Variants in SORCS2 observed in about 807,000 individuals in gnomAD.
The protein encoded by SORCS2 is VPS10 domain-containing receptor SorCS2.
SORCS2 carries 100 observed loss-of-function variants against 141.6 expected under a neutral mutation model. That is an observed-to-expected ratio of 0.71 (90% CI 0.60 to 0.83). The LOEUF is 0.83. SORCS2 is among the 40% of genes least tolerant of loss of function. The pLI, the probability that SORCS2 is intolerant of heterozygous loss-of-function variation, is 0.00. For missense variants in SORCS2, 1,646 were observed against 1,560.2 expected (o/e 1.05, Z -0.93); for synonymous variants, 789 against 676.9 (o/e 1.17, Z -2.57).
At chr4:7,391,890 C>G (rs1046473029) in intron 1 of SORCS2, among the ~76,000 whole-genome samples, 1 of 152,148 alleles carries the variant, frequency 6.6e-6, no homozygotes, top group Non-Finnish European at 1.5e-5. Flanking sequence ...TGAATAAAAT[C>G]GGGGTGCCCT....
At chr4:7,250,874 A>G (rs1483341717) in intron 1 of SORCS2, among the ~76,000 whole-genome samples, 1 of 152,244 alleles carries the variant, frequency 6.6e-6, no homozygotes, top group Non-Finnish European at 1.5e-5. Context: ...GCCTTTTAAT[A>G]TGGACTCGTT....
intron 3 of SORCS2, among the ~76,000 whole-genome samples, chr4:7,567,125 T>C (rs1166689993): frequency 6.6e-6 from 1 of 152,240 alleles, no homozygotes; most frequent in Admixed American, 6.5e-5. Flanking sequence ...CTGTTTTAGG[T>C]TTACAGAAAA....
chr4:7,581,325 C>A (rs988749945), intron 3 of SORCS2, among the ~76,000 whole-genome samples: 2 of 151,670 alleles, frequency 1.3e-5, no homozygotes, highest in Admixed American at 1.3e-4. Context: ...TTTACATTGG[C>A]AAAAAAATAC....
intron 2 of SORCS2, among the ~76,000 whole-genome samples, chr4:7,518,861 G>T (rs1270165477): frequency 6.6e-6 from 1 of 152,100 alleles, no homozygotes; most frequent in Non-Finnish European, 1.5e-5. Flanking sequence ...GAAGTCGCGG[G>T]CTGTGTCCGG....
intron 1 of SORCS2, among the ~76,000 whole-genome samples, chr4:7,251,964 C>T (rs1228604025): frequency 2.0e-5 from 3 of 152,130 alleles, no homozygotes; most frequent in Non-Finnish European, 4.4e-5. Flanking sequence ...ATGATGACAG[C>T]GGCCAGTACT....
intron 3 of SORCS2, among the ~76,000 whole-genome samples, chr4:7,589,539 A>T (rs1301058874): frequency 6.6e-6 from 1 of 152,094 alleles, no homozygotes; most frequent in Non-Finnish European, 1.5e-5. Context: ...AGTAGCTGGG[A>T]CTATAGGCGC....
At chr4:7,704,935 C>A (rs1343874213) in intron 14 of SORCS2, among the ~76,000 whole-genome samples, 2 of 152,180 alleles carry the variant, frequency 1.3e-5, no homozygotes, top group African/African-American at 4.8e-5. Flanking sequence ...GCTCCTGCGA[C>A]CCCGCGCTGT....
At chr4:7,658,907 C>T (rs1721968954) in intron 5 of SORCS2, among the ~76,000 whole-genome samples, 1 of 152,230 alleles carries the variant, frequency 6.6e-6, no homozygotes. Flanking sequence ...TGCAAGCAGG[C>T]TATGTGGGTG....
chr4:7,392,266 G>C lies in SORCS2; in HGVS notation c.481-4022G>C, dbSNP rs1189287556. Among the ~76,000 whole-genome samples the C allele has an allele frequency of 3.9e-5, 6 of 152,336 alleles. No individual in the cohort carries two copies. In the East Asian group the frequency reaches 1.2e-3, roughly 29 times the overall value. On this transcript the variant is annotated intron_variant, in intron 1 of 26. Coordinates refer to ENST00000507866, the MANE Select transcript of SORCS2 (RefSeq NM_020777.3). ...GGGTTAGGATGGGCATTGCTGTGAA[G>C]GAGCCCTGGGCCTCCAGGACAGGGC...
chr4:7,595,564 G>A (rs1304156272), intron 3 of SORCS2, among the ~76,000 whole-genome samples: 1 of 129,408 alleles, frequency 7.7e-6, no homozygotes, highest in African/African-American at 3.0e-5. Flanking sequence ...ATTACCATAC[G>A]AAAGACGTTC....
At chr4:7,490,061 C>A (rs1731225001) in intron 2 of SORCS2, among the ~76,000 whole-genome samples, 3 of 152,306 alleles carry the variant, frequency 2.0e-5, no homozygotes. Context: ...GGCACAAGAT[C>A]ACAGGCCTGG....
rs576927813 is a variant in SORCS2 at position 7,225,696 on chromosome 4, G to A, written c.480+32570G>A. On this transcript the variant is annotated intron_variant, in intron 1 of 26. Transcript: ENST00000507866. The stretch of plus-strand genomic sequence containing the variant: ...GGGGGCTGCATGGATGTCTCTATCC[G>A]CACCCTGTGAGCTGGCCCACCAGGC... Among the ~76,000 whole-genome samples the A allele has an allele frequency of 1.8e-3, 279 of 152,240 alleles. 2 individuals are homozygous for A. Among genetic ancestry groups the A allele is most frequent in the Non-Finnish European group, 2.4e-3 (164 of 68,010 alleles).
intron 19 of SORCS2, among the ~76,000 whole-genome samples, chr4:7,724,129 G>GGTGGTGGTGATGGTGGTGATA (rs1560112888): frequency 1.3e-4 from 18 of 140,682 alleles, no homozygotes; most frequent in African/African-American, 3.7e-4. Context: ...TGGTGGTGGT[G>GGTGGTGGTGATGGTGGTGATA]GTGGTGGTGG....
intron 1 of SORCS2, among the ~76,000 whole-genome samples, chr4:7,376,898 C>T (rs572524463): frequency 2.1e-4 from 32 of 152,158 alleles, no homozygotes; most frequent in Non-Finnish European, 4.4e-4. Context: ...TCCTGACCCC[C>T]ACCCCCACCC....
intron 2 of SORCS2, among the ~76,000 whole-genome samples, chr4:7,460,957 AT>A (rs977969292): frequency 3.4e-5 from 5 of 146,138 alleles, no homozygotes; most frequent in African/African-American, 1.3e-4. Context: ...CGAGGATTTC[AT>A]TTCTCCCCCC....
rs549236029 is a variant in SORCS2 at position 7,288,491 on chromosome 4, C to T, written c.480+95365C>T. 4.9e-5 allele frequency among the ~76,000 whole-genome samples: 7 copies of T among 141,750 alleles called. No individual in the cohort carries two copies. The East Asian group carries it at 1.0e-3, about 21-fold the overall frequency. 93.0% of individuals were successfully genotyped at this position (141,750 alleles called of 152,430 possible). A position where few individuals can be genotyped will look rare whatever the true frequency, so the allele number is the denominator to read the frequency against. ...CAAGATCAGGGAGAGGCAGAACTGG[C>T]GTCTGGTGAGGACATCTTCCTGGCT... is the stretch of plus-strand genomic sequence containing the variant. On this transcript the variant is annotated intron_variant, in intron 1 of 26. Coordinates refer to ENST00000507866, the MANE Select transcript of SORCS2 (RefSeq NM_020777.3).
Position 7,385,179 on chromosome 4 carries a change from G to A in SORCS2, c.481-11109G>A, listed in dbSNP as rs1048634238. Among the ~76,000 whole-genome samples, 124 of 152,174 alleles carry A rather than the reference G, an allele frequency of 8.1e-4. 1 individual carries two copies. Among genetic ancestry groups the A allele is most frequent in the African/African-American group, 2.8e-3 (118 of 41,444 alleles). On this transcript the variant is annotated intron_variant, in intron 1 of 26. Transcript: ENST00000507866. ...ATTGGCAGCAGTGTTGAGTGAGGCC[G>A]CATCCCTTGGAGAGCCAGCACCTCC... is the stretch of plus-strand genomic sequence containing the variant.
chr4:7,613,223 G>A (rs185451196), intron 3 of SORCS2, among the ~76,000 whole-genome samples: 1 of 152,228 alleles, frequency 6.6e-6, no homozygotes, highest in Non-Finnish European at 1.5e-5. Flanking sequence ...GGTCTTCCTG[G>A]TTCCCACTGA....
chr4:7,488,979 T>TTTCA (rs939920526), intron 2 of SORCS2, among the ~76,000 whole-genome samples: 33 of 152,358 alleles, frequency 2.2e-4, no homozygotes, highest in Admixed American at 2.2e-3. Flanking sequence ...ATTCGTGCTT[T>TTTCA]TTCATTCATT....
Sources: allele counts gnomAD v4.1 joint callset (sites outside exome capture counted in the v4.1 genomes callset), GRCh38; gene constraint gnomAD v4.1.1; transcripts MANE v1.5; gene names NCBI Gene and HGNC (gene_info 2026-07-23, HGNC 2026-07-21).